Variants in PDSS1 observed in about 807,000 individuals in gnomAD.
PDSS1 encodes the protein decaprenyl diphosphate synthase subunit 1, also known as all trans-polyprenyl-diphosphate synthase PDSS1.
PDSS1 carries 43 observed loss-of-function variants against 57.5 expected under a neutral mutation model. The ratio of observed to expected loss-of-function variants is 0.75; its 90% CI spans 0.59 to 0.96. The LOEUF (loss-of-function observed/expected upper bound fraction) is 0.96. PDSS1 is among the 50% of genes least tolerant of loss of function. PDSS1 has a pLI of 0.00. For synonymous variants in PDSS1, 175 were observed against 191.3 expected, an observed-to-expected ratio of 0.91 and a Z score of 0.70; for missense variants, 438 against 527.8, an observed-to-expected ratio of 0.83 and a Z score of 1.67.
At chr10:26,725,648 A>G (rs956569428) in intron 8 of PDSS1, among the ~76,000 whole-genome samples, 2 of 152,054 alleles carry the variant, frequency 1.3e-5, no homozygotes, top group Non-Finnish European at 2.9e-5. Flanking sequence ...TGATGGCCCA[A>G]CTCTCCCTGA....
intron 2 of PDSS1, among the ~76,000 whole-genome samples, chr10:26,703,867 G>A (rs1198938887): frequency 6.6e-6 from 1 of 151,514 alleles, no homozygotes; most frequent in Non-Finnish European, 1.5e-5. Flanking sequence ...GGATCATGAG[G>A]TCAGGAGATC....
intron 5 of PDSS1, among the ~76,000 whole-genome samples, chr10:26,719,151 A>C (rs1191885998): frequency 1.3e-5 from 2 of 152,194 alleles, no homozygotes; most frequent in Admixed American, 1.3e-4. Context: ...TAAGTGCAAC[A>C]TTTGGTTAGT....
At chr10:26,724,943 C>A (rs1227927910) in intron 8 of PDSS1, among the ~76,000 whole-genome samples, 3 of 152,164 alleles carry the variant, frequency 2.0e-5, no homozygotes, top group Non-Finnish European at 4.4e-5. Flanking sequence ...CCTATTTCTT[C>A]AGAGTACAAA....
chr10:26,698,007 G>T (rs1251832009), intron 1 of PDSS1, among the ~76,000 whole-genome samples, 167 bp downstream of exon 1: 9 of 151,808 alleles, frequency 5.9e-5, no homozygotes, highest in Admixed American at 1.3e-4. Flanking sequence ...GGGTGCTCGC[G>T]GTGGGACGGA....
At chr10:26,724,312 T>C (rs1045488145) in intron 8 of PDSS1, among the ~76,000 whole-genome samples, 189 bp downstream of exon 8, 4 of 152,192 alleles carry the variant, frequency 2.6e-5, no homozygotes, top group Non-Finnish European at 4.4e-5. Context: ...GCCATCTTCT[T>C]TTGGTATGCA....
intron 5 of PDSS1, among the ~76,000 whole-genome samples, chr10:26,710,556 T>C (rs1472164389): frequency 2.2e-5 from 2 of 88,984 alleles, no homozygotes; most frequent in Admixed American, 1.4e-4. Flanking sequence ...GCCAGGCTGG[T>C]CTCAAACTCC....
chr10:26,735,470 T>A lies in PDSS1; in HGVS notation c.917T>A (p.Ile306Lys), dbSNP rs756579797. 1.2e-6 allele frequency: 2 copies of A among 1,602,438 alleles called. No individual in the cohort carries two copies. Among genetic ancestry groups the A allele is most frequent in the Non-Finnish European group, 1.7e-6 (2 of 1,169,348 alleles). Reference sequence around the variant, plus strand: ...TCCCATTTTTCCTTTTGCCAGCTAATAGATGATGTATTGGACTTCACCTCG... The same window carrying A: ...TCCCATTTTTCCTTTTGCCAGCTAAAAGATGATGTATTGGACTTCACCTCG... ...GKNVGIAFQLIDDVLDFTSCS... is the reference protein window; with the variant it reads ...GKNVGIAFQLKDDVLDFTSCS... Residue 306 changes from isoleucine to lysine, a missense_variant, in exon 10 of 12, where the codon ATA (isoleucine) becomes AAA (lysine). Ile to Lys is a moderately radical substitution (Grantham distance 102). Transcript: ENST00000376215.
intron 11 of PDSS1, among the ~76,000 whole-genome samples, 172 bp from the exon 12 acceptor site, chr10:26,746,161 G>GAAGT (rs1046229422): frequency 6.6e-6 from 1 of 152,166 alleles, no homozygotes; most frequent in African/African-American, 2.4e-5. Flanking sequence ...AGGCCTAAAG[G>GAAGT]AAGTTAGCAC....
rs1338525093 is a variant in PDSS1 at position 26,734,850 on chromosome 10, C to T, written c.832-390C>T. 1.1e-5 allele frequency: 5 copies of T among 437,950 alleles called. No homozygotes were observed. The East Asian group carries it at 3.4e-4, about 30-fold the overall frequency. The allele number at this position is 437,950 out of a possible 1,614,324, so 27.1% of individuals were successfully genotyped here. A position where few individuals can be genotyped will look rare whatever the true frequency, so the allele number is the denominator to read the frequency against. ...ATGATTAAAGCCAACAGTAATCGGGCTAGCTTGCCGAGTGCTAGAAGTCAG... is the reference window on the plus strand; with the variant it reads ...ATGATTAAAGCCAACAGTAATCGGGTTAGCTTGCCGAGTGCTAGAAGTCAG... On this transcript the variant is annotated intron_variant, in intron 8 of 11. Coordinates refer to ENST00000376215, the MANE Select transcript of PDSS1 (RefSeq NM_014317.5).
chr10:26,728,625 T>G (rs188986680), intron 8 of PDSS1, among the ~76,000 whole-genome samples: 10 of 152,264 alleles, frequency 6.6e-5, no homozygotes, highest in African/African-American at 2.4e-4. Context: ...ATTTTCATCA[T>G]TTCTTCTATA....
intron 5 of PDSS1, chr10:26,714,665 C>T (rs1835506111): frequency 6.6e-6 from 1 of 152,124 alleles, no homozygotes; most frequent in African/African-American, 2.4e-5. Flanking sequence ...CTGTGTGAAA[C>T]TCTTTTAGTT....
At chr10:26,741,133 C>A (rs1243009290) in intron 10 of PDSS1, among the ~76,000 whole-genome samples, 1 of 152,094 alleles carries the variant, frequency 6.6e-6, no homozygotes, top group African/African-American at 2.4e-5. Flanking sequence ...GGTGCCCAGG[C>A]TAAACCCCAA....
At chr10:26,733,893 G>C (rs1402883023) in intron 8 of PDSS1, among the ~76,000 whole-genome samples, 1 of 152,122 alleles carries the variant, frequency 6.6e-6, no homozygotes, top group Non-Finnish European at 1.5e-5. Flanking sequence ...AGGAACCCTT[G>C]AGCCCAGGAG....
Position 26,730,424 on chromosome 10 carries a change from A to G in PDSS1, c.832-4816A>G, listed in dbSNP as rs914257715. On this transcript the variant is annotated intron_variant, in intron 8 of 11. Transcript: ENST00000376215. ...CAGGAGTTTGAGACCAGCCTGGGCAACATGGCGAAACCTCTGTCTACAAGG... is the reference window on the plus strand; with the variant it reads ...CAGGAGTTTGAGACCAGCCTGGGCAGCATGGCGAAACCTCTGTCTACAAGG... Among the ~76,000 whole-genome samples the G allele has an allele frequency of 3.3e-5, 5 of 151,728 alleles. No homozygotes were observed. The South Asian group carries it at 6.2e-4, about 19-fold the overall frequency.
At chr10:26,731,645 T>C (rs1262760918) in intron 8 of PDSS1, among the ~76,000 whole-genome samples, 1 of 152,234 alleles carries the variant, frequency 6.6e-6, no homozygotes, top group Non-Finnish European at 1.5e-5. Flanking sequence ...TTTCGGAACC[T>C]CTTTTCCCAC....
intron 4 of PDSS1, among the ~76,000 whole-genome samples, chr10:26,708,992 G>A (rs1835331960): frequency 6.6e-6 from 1 of 151,930 alleles, no homozygotes; most frequent in African/African-American, 2.4e-5. Flanking sequence ...TCCTTTCGCT[G>A]TCCGGCTGTC....
Position 26,720,310 on chromosome 10 carries a change from G to A in PDSS1, c.560G>A (p.Ser187Asn). Residue 187 changes from serine (S) to asparagine (N), a missense_variant, in exon 6 of 12, where the codon AGT becomes AAT. Physicochemically the swap from Ser to Asn is conservative, Grantham distance 46 (BLOSUM62 1). Around this residue, in one of 2 missense-constraint regions of PDSS1, gnomAD observed 284 missense variants for 390.7 expected, o/e 0.73. Transcript: ENST00000376215. ...CACGATGACGTTATTGACGATGCAA[G>A]TTCTCGAAGAGGAAAACACACAGTT... The part of the protein sequence containing the change: ...LVHDDVIDDA[S>N]SRRGKHTVNK... 1.2e-6 allele frequency: 2 copies of A among 1,614,144 alleles called. No homozygotes were observed. Among genetic ancestry groups the A allele is most frequent in the Non-Finnish European group, 1.7e-6 (2 of 1,179,990 alleles).
chr10:26,735,723 G>A (rs1836373044), intron 10 of PDSS1, 144 bp downstream of exon 10: 4 of 701,330 alleles, frequency 5.7e-6, no homozygotes, highest in Non-Finnish European at 7.9e-6. Context: ...TTTGATCCTG[G>A]CTGAGTGAGA....
intron 4 of PDSS1, among the ~76,000 whole-genome samples, chr10:26,709,004 A>G (rs929645098): frequency 1.3e-5 from 2 of 151,916 alleles, no homozygotes; most frequent in Non-Finnish European, 2.9e-5. Context: ...CCGGCTGTCA[A>G]TGAGCCCAGA....
Sources: allele counts gnomAD v4.1 joint callset (sites outside exome capture counted in the v4.1 genomes callset), GRCh38; gene constraint gnomAD v4.1.1; regional missense constraint gnomAD v4.1.1; transcripts MANE v1.5; gene names NCBI Gene and HGNC (gene_info 2026-07-23, HGNC 2026-07-21).